Variants in EGFR observed in about 807,000 individuals in gnomAD.
EGFR encodes the protein avian erythroblastic leukemia viral (v-erb-b) oncogene homolog.
A neutral mutation model predicts 143.0 loss-of-function variants in EGFR; 58 were observed. The ratio of observed to expected loss-of-function variants is 0.41; its 90% CI spans 0.33 to 0.50. The LOEUF (loss-of-function observed/expected upper bound fraction) is 0.50. Ranked by LOEUF, EGFR falls within the 20% of genes least tolerant of loss-of-function variation. The probability of loss-of-function intolerance (pLI) is 0.39; values close to 1 mark genes in which losing one functional copy is unlikely to be tolerated. For synonymous variants in EGFR, 613 were observed against 594.4 expected (o/e 1.03, Z -0.45); for missense variants, 1,307 against 1,579.0 (o/e 0.83, Z 2.92).
chr7:55,187,021 C>A (rs10225911), intron 20 of EGFR, among the ~76,000 whole-genome samples: 84,219 of 151,956 alleles, frequency 0.55, 23,940 homozygotes, highest in Middle Eastern at 0.68. Context: ...CAGGAGGCCT[C>A]TGTGGGTGAG....
At chr7:55,203,371 TACAC>T (rs1343634781) in intron 27 of EGFR, among the ~76,000 whole-genome samples, 7 of 132,056 alleles carry the variant, frequency 5.3e-5, no homozygotes, top group South Asian at 2.5e-4. Context: ...CATGCATACA[TACAC>T]ACCACACATA....
At chr7:55,174,684 A>C (rs1786511366) in intron 18 of EGFR, 38 bp from the exon 19 acceptor site, 1 of 1,542,552 alleles carries the variant, frequency 6.5e-7, no homozygotes, top group Non-Finnish European at 9.0e-7. Flanking sequence ...ACCATCTCAC[A>C]ATTGCCAGTT....
chr7:55,193,449 C>T (rs1043920394), intron 22 of EGFR, among the ~76,000 whole-genome samples: 3 of 152,170 alleles, frequency 2.0e-5, no homozygotes, highest in African/African-American at 7.2e-5. Flanking sequence ...ACGAGGGCCG[C>T]TCTCCTCACC....
chr7:55,170,862 C>T (rs1207253758), intron 15 of EGFR: 1 of 1,410,788 alleles, frequency 7.1e-7, no homozygotes, highest in Non-Finnish European at 9.2e-7. Flanking sequence ...AATTCTAGAG[C>T]CAGCTGTGGG....
In EGFR at chr7:55,019,198, G is replaced by T; in HGVS notation, c.-80G>T. 1.6e-6 allele frequency: 2 copies of T among 1,222,198 alleles called. No homozygotes were observed. The allele number at this position is 1,222,198 out of a possible 1,614,324, so 75.7% of individuals were successfully genotyped here. ...CCCGAGTCCCCGCCTCGCCGCCAAC[G>T]CCACAACCACCGCGCACGGCCCCCT... On this transcript the variant is annotated 5_prime_UTR_variant, in exon 1 of 28. Transcript: ENST00000275493.
chr7:55,060,321 A>C (rs1433413706), intron 1 of EGFR, among the ~76,000 whole-genome samples: 2 of 152,172 alleles, frequency 1.3e-5, no homozygotes, highest in Non-Finnish European at 2.9e-5. Context: ...GTGCCTCAGT[A>C]GTTTTATACA....
At chr7:55,170,349 T>A (rs769593091) in intron 15 of EGFR, 1 of 1,614,214 alleles carries the variant, frequency 6.2e-7, no homozygotes, top group Admixed American at 1.7e-5. Flanking sequence ...TCTGCCTTTT[T>A]AAACTATCAT....
chr7:55,173,526 G>A (rs531192688), intron 17 of EGFR, among the ~76,000 whole-genome samples: 1 of 152,346 alleles, frequency 6.6e-6, no homozygotes, highest in African/African-American at 2.4e-5. Context: ...CCAGTCCTGT[G>A]CTGGAAGCCA....
In EGFR at chr7:55,061,528, G is replaced by C. The variant is rs913886488; in HGVS notation, c.88+42163G>C. ...CCTCTTGCCCTGCATGCATTTCTTT[G>C]CTCTGATTAAACGAGCATTTTATAA... On this transcript the variant is annotated intron_variant, in intron 1 of 27. Transcript: ENST00000275493. 1.4e-4 allele frequency among the ~76,000 whole-genome samples: 21 copies of C among 151,762 alleles called. 1 individual carries two copies. The highest frequency in any genetic ancestry group is 8.3e-4 in the South Asian group (4 of 4,814).
At chr7:55,048,703 C>T (rs886742324) in intron 1 of EGFR, among the ~76,000 whole-genome samples, 11 of 152,154 alleles carry the variant, frequency 7.2e-5, no homozygotes, top group African/African-American at 9.7e-5. Flanking sequence ...CTGCCAGGAA[C>T]ATTGAATGAG....
At chr7:55,069,147 T>C (rs1398184353) in intron 1 of EGFR, among the ~76,000 whole-genome samples, 1 of 152,222 alleles carries the variant, frequency 6.6e-6, no homozygotes, top group African/African-American at 2.4e-5. Flanking sequence ...ATTCACTAAA[T>C]GCAAATAAAC....
intron 16 of EGFR, chr7:55,172,780 G>C: frequency 6.8e-7 from 1 of 1,461,104 alleles, no homozygotes. Context: ...GTGCCTGGTA[G>C]GGGACTGGGG....
intron 1 of EGFR, among the ~76,000 whole-genome samples, chr7:55,110,431 G>A (rs1345584185): frequency 6.6e-6 from 1 of 152,186 alleles, no homozygotes; most frequent in African/African-American, 2.4e-5. Context: ...CCTCACACAT[G>A]GGGCAGCTCT....
At chr7:55,193,666 TA>T (rs1295460922) in intron 22 of EGFR, among the ~76,000 whole-genome samples, 2 of 152,244 alleles carry the variant, frequency 1.3e-5, no homozygotes, top group Non-Finnish European at 2.9e-5. Context: ...CCCAGCCATC[TA>T]CAGCGACAGG....
intron 22 of EGFR, among the ~76,000 whole-genome samples, chr7:55,196,178 A>ATTTTTGTTTTTTTTTT (rs1787604849): frequency 1.1e-5 from 1 of 88,126 alleles, no homozygotes; most frequent in Admixed American, 1.4e-4. Context: ...ATGTGTTGGG[A>ATTTTTGTTTTTTTTTT]TTTTTTTTTT....
At chr7:55,188,260 A>T (rs1787229419) in intron 20 of EGFR, among the ~76,000 whole-genome samples, 1 of 151,828 alleles carries the variant, frequency 6.6e-6, no homozygotes, top group African/African-American at 2.4e-5. Context: ...TCCACAGGAG[A>T]TTTACAAAAT....
intron 4 of EGFR, among the ~76,000 whole-genome samples, chr7:55,147,533 G>A (rs1794832509): frequency 6.6e-6 from 1 of 150,438 alleles, no homozygotes; most frequent in Non-Finnish European, 1.5e-5. Context: ...AAATAGAGCT[G>A]ACGTGAATCT....
rs1786868579 is a variant in EGFR at position 55,181,403 on chromosome 7, C to G, written c.2394C>G (p.Leu798=). 1 of 1,614,238 alleles carries G rather than the reference C, an allele frequency of 6.2e-7. No homozygotes were observed. Among genetic ancestry groups the G allele is most frequent in the Non-Finnish European group, 8.5e-7 (1 of 1,180,048 alleles). Residue 798 remains leucine (L), a synonymous_variant, in exon 20 of 28, where the codon CTC becomes CTG. Coordinates refer to ENST00000275493, the MANE Select transcript of EGFR (RefSeq NM_005228.5). ...LITQLMPFGC[L]LDYVREHKDN... is the part of the protein sequence containing the mutation. ...CGCAGCTCATGCCCTTCGGCTGCCTCCTGGACTATGTCCGGGAACACAAAG... is the reference window on the plus strand; with the variant it reads ...CGCAGCTCATGCCCTTCGGCTGCCTGCTGGACTATGTCCGGGAACACAAAG...
At chr7:55,122,333 G>C (rs893484425) in intron 1 of EGFR, among the ~76,000 whole-genome samples, 3 of 152,156 alleles carry the variant, frequency 2.0e-5, no homozygotes, top group Middle Eastern at 3.2e-3. Context: ...CACATCGTTA[G>C]TGTTCCCTCA....
Sources: allele counts gnomAD v4.1 joint callset (sites outside exome capture counted in the v4.1 genomes callset), GRCh38; gene constraint gnomAD v4.1.1; transcripts MANE v1.5; gene names NCBI Gene and HGNC (gene_info 2026-07-23, HGNC 2026-07-21).